The following AGO1 variants were observed in gnomAD, a reference collection of about 807,000 sequenced individuals.
AGO1 encodes the protein protein argonaute-1.
In AGO1, 11 loss-of-function variants were observed where a neutral mutation model predicts 109.2. That is an observed-to-expected ratio of 0.10 (90% CI 0.06 to 0.17). The LOEUF is 0.17. Among genes scored for constraint, AGO1 ranks in the 10% least tolerant of loss-of-function variants. The probability of loss-of-function intolerance (pLI) is 1.00; values close to 1 mark genes in which losing one functional copy is unlikely to be tolerated. For missense variants in AGO1, 574 were observed against 1,140.3 expected (o/e 0.50, Z 7.15); for synonymous variants, 422 against 418.6 (o/e 1.01, Z -0.10).
At position 35,902,210 on chromosome 1, in the gene AGO1, G is replaced by T; in HGVS notation, c.1270G>T (p.Ala424Ser). The part of the protein sequence containing the change: ...PILQYGGRNR[A>S]IATPNQGVWD... ...CCCCTCTACCTATCCCCAGAACCGG[G>T]CCATTGCCACACCCAATCAGGGTGT... The change falls in exon 11 of 19, where the codon GCC (alanine) becomes TCC (serine). Residue 424 changes from alanine to serine, a missense_variant. Physicochemically the swap from Ala to Ser is moderately conservative, Grantham distance 99 (BLOSUM62 1). Transcript: ENST00000373204. 1 of 1,613,742 alleles carries T rather than the reference G, an allele frequency of 6.2e-7. No individual in the cohort carries two copies. The highest frequency in any genetic ancestry group is 8.5e-7 in the Non-Finnish European group (1 of 1,179,792).
chr1:35,876,861 C>A (rs546088819), intron 1 of AGO1, among the ~76,000 whole-genome samples: 73 of 152,306 alleles, frequency 4.8e-4, no homozygotes, highest in African/African-American at 1.6e-3. Flanking sequence ...TGGTTCACTG[C>A]AGCTTCGACC....
At chr1:35,912,855 A>G (rs1034185948) in intron 12 of AGO1, among the ~76,000 whole-genome samples, 1 of 152,088 alleles carries the variant, frequency 6.6e-6, no homozygotes, top group Admixed American at 6.5e-5. Flanking sequence ...TACAGGCGTA[A>G]GCCACCGTGC....
At chr1:35,917,838 C>G (rs2148725289) in intron 16 of AGO1, 111 bp downstream of exon 16, 1 of 1,442,920 alleles carries the variant, frequency 6.9e-7, no homozygotes, top group Non-Finnish European at 9.3e-7. Flanking sequence ...TATCTATCCT[C>G]CCTGGCCCCT....
At chr1:35,873,943 T>C (rs565820299) in intron 1 of AGO1, among the ~76,000 whole-genome samples, 10 of 152,376 alleles carry the variant, frequency 6.6e-5, no homozygotes, top group Non-Finnish European at 1.3e-4. Context: ...TTACCAACTG[T>C]ACATCAAGCA....
intron 11 of AGO1, 34 bp downstream of exon 11, chr1:35,902,371 G>A (rs779893056): frequency 1.2e-6 from 2 of 1,606,096 alleles, no homozygotes; most frequent in South Asian, 2.2e-5. Context: ...TGGAAGGGTG[G>A]GAAGGACCCT....
upstream of AGO1, among the ~76,000 whole-genome samples, chr1:35,879,311 G>A (rs549300764): frequency 2.5e-4 from 38 of 152,078 alleles, no homozygotes; most frequent in African/African-American, 9.2e-4. Context: ...AGCCAGGTGT[G>A]GTGGTGCATG....
chr1:35,927,454 T>C lies in AGO1; in HGVS notation c.*7847T>C, dbSNP rs887318250. On this transcript the variant is annotated 3_prime_UTR_variant, in exon 19 of 19. Transcript: ENST00000373204. ...CGCCTCATGGTCCCAATATGGCTAC[T>C]GTAATTCTGGGAAGGAAATGCTGAC... The C allele has an allele frequency of 1.3e-5, 2 of 152,186 alleles. No individual in the cohort carries two copies. Among genetic ancestry groups the C allele is most frequent in the Non-Finnish European group, 2.9e-5 (2 of 68,036 alleles). 9.4% of individuals were successfully genotyped at this position (152,186 alleles called of 1,614,324 possible). A position where few individuals can be genotyped will look rare whatever the true frequency, so the allele number is the denominator to read the frequency against.
At chr1:35,905,355 A>G (rs1313149742) in intron 11 of AGO1, among the ~76,000 whole-genome samples, 1 of 152,198 alleles carries the variant, frequency 6.6e-6, no homozygotes, top group Non-Finnish European at 1.5e-5. Flanking sequence ...AAATTTTTTT[A>G]AGATAATAAA....
chr1:35,898,884 A>G (rs1645367222), intron 8 of AGO1, among the ~76,000 whole-genome samples: 1 of 152,168 alleles, frequency 6.6e-6, no homozygotes, highest in Admixed American at 6.5e-5. Flanking sequence ...TCTTTTTCAA[A>G]TTGTGGTAAA....
chr1:35,885,246 G>T (rs1645101961), intron 1 of AGO1, among the ~76,000 whole-genome samples: 1 of 152,168 alleles, frequency 6.6e-6, no homozygotes, highest in African/African-American at 2.4e-5. Context: ...GAGTAGTGGG[G>T]TAGGTCATTG....
intron 12 of AGO1, among the ~76,000 whole-genome samples, chr1:35,911,875 T>G (rs1645638656): frequency 6.6e-6 from 1 of 152,222 alleles, no homozygotes; most frequent in African/African-American, 2.4e-5. Context: ...CACTTGCTCC[T>G]TCTTGAAACA....
intron 8 of AGO1, among the ~76,000 whole-genome samples, chr1:35,900,470 G>A (rs1354833034): frequency 2.0e-5 from 3 of 152,168 alleles, no homozygotes; most frequent in Admixed American, 1.3e-4. Context: ...GCTCACTCCT[G>A]TAATCCCAGC....
rs1207484306 is a variant in AGO1, at chr1:35,896,128, T to C, written c.1020+859T>C. ...GATTCTCCTGCCTCAGCCTCCTGAG[T>C]AGTTGGAATTACAGGCATGCGCCAC... On this transcript the variant is annotated intron_variant, in intron 8 of 18. Coordinates refer to ENST00000373204, the MANE Select transcript of AGO1 (RefSeq NM_012199.5). Among the ~76,000 whole-genome samples the C allele has an allele frequency of 2.6e-5, 4 of 151,448 alleles. No homozygotes were observed. The East Asian group carries it at 7.8e-4, about 30-fold the overall frequency.
upstream of AGO1, among the ~76,000 whole-genome samples, chr1:35,879,401 T>C (rs886481821): frequency 6.6e-6 from 1 of 151,474 alleles, no homozygotes; most frequent in African/African-American, 2.4e-5. Context: ...TGAGCCAAGA[T>C]CGTGCCATTG....
intron 1 of AGO1, among the ~76,000 whole-genome samples, chr1:35,887,270 C>T (rs1414160095): frequency 6.6e-6 from 1 of 152,170 alleles, no homozygotes; most frequent in Non-Finnish European, 1.5e-5. Flanking sequence ...GCTTGTCTGA[C>T]TGTGAAAGCA....
chr1:35,872,993 T>A (rs1034863718), intron 1 of AGO1, among the ~76,000 whole-genome samples: 4 of 151,928 alleles, frequency 2.6e-5, no homozygotes, highest in Admixed American at 1.3e-4. Flanking sequence ...GCTCTGGTGA[T>A]CCTCCCACCT....
chr1:35,901,451 A>C lies in AGO1; in HGVS notation c.1021-23A>C, dbSNP rs773127887. Reference sequence around the variant, plus strand: ...GGTGGACTGTACTCAAGCCAGAGCTACCTGTCCTTCTTGTTTCCTCAGGTC... The same window carrying C: ...GGTGGACTGTACTCAAGCCAGAGCTCCCTGTCCTTCTTGTTTCCTCAGGTC... On this transcript the variant is annotated intron_variant, in intron 8 of 18. Transcript: ENST00000373204. This position sits in a 1 kb window ranked among gnomAD's most constrained non-coding sequence, Gnocchi z 4.8. 6.2e-7 allele frequency: 1 copy of C among 1,613,768 alleles called. No homozygotes were observed. The highest frequency in any genetic ancestry group is 8.5e-7 in the Non-Finnish European group (1 of 1,179,836).
rs1645268226 is a variant in AGO1, at chr1:35,893,899, C to T, written c.649+89C>T. ...TCCCTCCCAGCTCTGCAACCACACT[C>T]CTAGTCTAATTCCTACAGCCCTGGC... is the stretch of plus-strand genomic sequence containing the variant. On this transcript the variant is annotated intron_variant, in intron 5 of 18. Coordinates refer to ENST00000373204, the MANE Select transcript of AGO1 (RefSeq NM_012199.5). This position sits in a 1 kb window ranked among gnomAD's most constrained non-coding sequence, Gnocchi z 5.6. The T allele has an allele frequency of 1.3e-6, 2 of 1,547,044 alleles. No homozygotes were observed. Among genetic ancestry groups the T allele is most frequent in the East Asian group, 2.3e-5 (1 of 44,152 alleles).
chr1:35,893,928 C>G lies in AGO1; in HGVS notation c.650-109C>G. 1 of 1,525,684 alleles carries G rather than the reference C, an allele frequency of 6.6e-7. No individual in the cohort carries two copies. Among genetic ancestry groups the G allele is most frequent in the Non-Finnish European group, 8.8e-7 (1 of 1,132,372 alleles). The allele number at this position is 1,525,684 out of a possible 1,614,324, so 94.5% of individuals were successfully genotyped here. On this transcript the variant is annotated intron_variant, in intron 5 of 18. Transcript: ENST00000373204. The surrounding 1 kb of genome is among the most constrained non-coding windows in gnomAD (Gnocchi z 5.6). ...GTCTAATTCCTACAGCCCTGGCACC[C>G]CCTTCCCCCATCCCAATGCCCTTTA...
Sources: allele counts gnomAD v4.1 joint callset (sites outside exome capture counted in the v4.1 genomes callset), GRCh38; gene constraint gnomAD v4.1.1; non-coding constraint Gnocchi (gnomAD v3.1); transcripts MANE v1.5; gene names NCBI Gene and HGNC (gene_info 2026-07-23, HGNC 2026-07-21).